The following GCLC variants were observed in gnomAD, a reference collection of about 807,000 sequenced individuals.
GCLC encodes glutamate--cysteine ligase catalytic subunit.
Under a neutral mutation model 81.5 loss-of-function variants are expected in GCLC, and 30 were observed. The observed-to-expected ratio is 0.37, with a 90% CI of 0.28 to 0.50. The LOEUF is 0.50. GCLC is among the 20% of genes least tolerant of loss of function. GCLC has a pLI of 0.96. For synonymous variants in GCLC, 262 were observed against 273.3 expected (o/e 0.96, Z 0.41); for missense variants, 556 against 777.4 (o/e 0.72, Z 3.39).
rs1042268786 is a variant in GCLC, at chr6:53,506,674, T to C, written c.1197+239A>G. 8 of 469,534 alleles carry C rather than the reference T, an allele frequency of 1.7e-5. No homozygotes were observed. Among genetic ancestry groups the C allele is most frequent in the Non-Finnish European group, 2.7e-5 (7 of 261,310 alleles). The allele number at this position is 469,534 out of a possible 1,614,324, so 29.1% of individuals were successfully genotyped here. On this transcript the variant is annotated intron_variant, in intron 10 of 15. Coordinates refer to ENST00000650454, the MANE Select transcript of GCLC (RefSeq NM_001498.4). This position sits in a 1 kb window ranked among gnomAD's most constrained non-coding sequence, Gnocchi z 4.0. ...TGAACAATAAAAAAAAAAATTAGAATCAGTGAGATAAACAGTAAGAATCGT... is the reference window on the plus strand; with the variant it reads ...TGAACAATAAAAAAAAAAATTAGAACCAGTGAGATAAACAGTAAGAATCGT...
intron 1 of GCLC, among the ~76,000 whole-genome samples, chr6:53,533,709 T>C (rs1300794785): frequency 2.0e-5 from 3 of 148,366 alleles, no homozygotes. Context: ...AAACATGCAA[T>C]TCAAAACACC....
At chr6:53,536,676 C>T (rs1032569920) in intron 1 of GCLC, among the ~76,000 whole-genome samples, 12 of 152,088 alleles carry the variant, frequency 7.9e-5, no homozygotes, top group African/African-American at 2.7e-4. Context: ...GTTAGAGGCT[C>T]AATTAATATT....
chr6:53,533,986 G>C (rs1483401347), intron 1 of GCLC, among the ~76,000 whole-genome samples: 4 of 151,806 alleles, frequency 2.6e-5, no homozygotes, highest in Non-Finnish European at 4.4e-5. Flanking sequence ...TAGAGAGGGG[G>C]TTTTCACCAT....
chr6:53,537,430 T>C (rs1467326187), intron 1 of GCLC, among the ~76,000 whole-genome samples: 1 of 152,144 alleles, frequency 6.6e-6, no homozygotes, highest in Non-Finnish European at 1.5e-5. Context: ...TATTAAGAAA[T>C]AATTAATTTG....
intron 3 of GCLC, among the ~76,000 whole-genome samples, chr6:53,517,083 T>A (rs866220588): frequency 0.018 from 1,701 of 95,186 alleles, 13 homozygotes; most frequent in Non-Finnish European, 0.029. Flanking sequence ...AAAAAAATTT[T>A]TTTTTTTTTT....
chr6:53,500,723 A>AG (rs989214131), intron 12 of GCLC: 2 of 599,216 alleles, frequency 3.3e-6, no homozygotes, highest in African/African-American at 3.7e-5. Context: ...TCAACCAATC[A>AG]GGGAATTTTA....
chr6:53,542,949 C>T (rs576928537), intron 1 of GCLC, among the ~76,000 whole-genome samples: 2 of 151,974 alleles, frequency 1.3e-5, no homozygotes, highest in African/African-American at 2.4e-5. Context: ...GCTGAGGTTG[C>T]AGTGAGCCGA....
chr6:53,512,815 G>A (rs954424981), intron 6 of GCLC, among the ~76,000 whole-genome samples: 1 of 152,084 alleles, frequency 6.6e-6, no homozygotes, highest in African/African-American at 2.4e-5. Flanking sequence ...GAAACTATGC[G>A]GTCTTCGGCA....
chr6:53,516,071 T>A, intron 4 of GCLC, 38 bp downstream of exon 4: 1 of 1,164,450 alleles, frequency 8.6e-7, no homozygotes, highest in Non-Finnish European at 1.3e-6. Flanking sequence ...AGGGGTCTAG[T>A]GAAGGGCATC....
intron 12 of GCLC, among the ~76,000 whole-genome samples, chr6:53,503,552 T>C (rs572753893): frequency 6.6e-6 from 1 of 152,358 alleles, no homozygotes; most frequent in Non-Finnish European, 1.5e-5. Flanking sequence ...GAAAACTTCT[T>C]TCCATCTAGC....
At chr6:53,518,277 G>A (rs1050346683) in intron 3 of GCLC, among the ~76,000 whole-genome samples, 3 of 152,000 alleles carry the variant, frequency 2.0e-5, no homozygotes, top group African/African-American at 7.3e-5. Context: ...TTGAGACGGA[G>A]GCTTGCTTTG....
chr6:53,526,670 C>T (rs540715667), intron 1 of GCLC, among the ~76,000 whole-genome samples: 15 of 151,922 alleles, frequency 9.9e-5, no homozygotes, highest in African/African-American at 1.7e-4. Flanking sequence ...TGCTGGCGGG[C>T]GCCTGTAGTC....
chr6:53,505,650 T>G (rs1581729798), intron 11 of GCLC, 153 bp downstream of exon 11: 2 of 743,738 alleles, frequency 2.7e-6, no homozygotes, highest in East Asian at 5.3e-5. Context: ...TTCTCAGAAA[T>G]CAACCCTCCT....
chr6:53,509,245 T>C lies in GCLC; in HGVS notation c.759A>G (p.Thr253=). The C allele has an allele frequency of 6.3e-7, 1 of 1,595,446 alleles. No individual in the cohort carries two copies. Among genetic ancestry groups the C allele is most frequent in the Non-Finnish European group, 8.6e-7 (1 of 1,163,030 alleles). Residue 253 remains threonine (T), a synonymous_variant, in exon 7 of 16, where the codon ACA becomes ACG. Transcript: ENST00000650454. ...CCTCAGATATACTGCAGGCTTGGAATGTCACCTGTTTAAGAATTGCAAAGT... is the reference window on the plus strand; with the variant it reads ...CCTCAGATATACTGCAGGCTTGGAACGTCACCTGTTTAAGAATTGCAAAGT... ...FGMGNCCLQV[T]FQACSISEAR...
intron 1 of GCLC, among the ~76,000 whole-genome samples, chr6:53,526,017 C>T (rs183244476): frequency 3.3e-5 from 5 of 152,252 alleles, no homozygotes; most frequent in East Asian, 1.9e-4. Flanking sequence ...TTTTATCCTA[C>T]TAGAATAAAA....
At chr6:53,543,676 C>T (rs1561954950) in intron 1 of GCLC, among the ~76,000 whole-genome samples, 1 of 152,192 alleles carries the variant, frequency 6.6e-6, no homozygotes, top group Admixed American at 6.5e-5. Flanking sequence ...AGGGAAGGCA[C>T]AAAAAGTTTT....
chr6:53,515,747 T>G (rs907321775), intron 4 of GCLC, among the ~76,000 whole-genome samples: 1 of 151,108 alleles, frequency 6.6e-6, no homozygotes, highest in East Asian at 1.9e-4. Flanking sequence ...CAGATACTGA[T>G]GGTTAGAGAG....
intron 3 of GCLC, among the ~76,000 whole-genome samples, chr6:53,519,488 C>A (rs998529701): frequency 6.6e-6 from 1 of 151,290 alleles, no homozygotes; most frequent in Non-Finnish European, 1.5e-5. Context: ...TCTCCTCCTG[C>A]TAGCACAGCC....
chr6:53,515,055 C>T (rs1764839714), intron 4 of GCLC, among the ~76,000 whole-genome samples: 1 of 152,142 alleles, frequency 6.6e-6, no homozygotes, highest in African/African-American at 2.4e-5. Flanking sequence ...GTAAAATATA[C>T]ACCAGATTTT....
Sources: gnomAD v4.1 joint callset for allele counts (sites outside exome capture counted in the v4.1 genomes callset) on GRCh38, gnomAD v4.1.1 for gene constraint, Gnocchi (gnomAD v3.1) non-coding constraint, MANE v1.5 for transcripts, NCBI Gene and HGNC (gene_info 2026-07-23, HGNC 2026-07-21) for gene names.